The following SPART variants were observed in gnomAD, a reference collection of about 807,000 sequenced individuals.
SPART encodes spartin.
Under a neutral mutation model 58.7 loss-of-function variants are expected in SPART, and 35 were observed. That is an observed-to-expected ratio of 0.60 (90% CI 0.46 to 0.79). SPART has a LOEUF of 0.79. Ranked by LOEUF, SPART falls within the 30% of genes least tolerant of loss-of-function variation. SPART has a pLI of 0.00. For missense variants in SPART, 730 were observed against 786.1 expected (o/e 0.93, Z 0.85); for synonymous variants, 284 against 280.7 (o/e 1.01, Z -0.12).
At chr13:36,334,328 G>A (rs1484599403) in intron 2 of SPART, among the ~76,000 whole-genome samples, 2 of 151,994 alleles carry the variant, frequency 1.3e-5, no homozygotes. Context: ...AGTGCATTCT[G>A]GTAAATTTCT....
chr13:36,309,013 G>T (rs1416704182), intron 8 of SPART, among the ~76,000 whole-genome samples: 2 of 152,152 alleles, frequency 1.3e-5, no homozygotes, highest in Admixed American at 1.3e-4. Flanking sequence ...GGGAGGCCGA[G>T]GTGGGCAGAT....
intron 8 of SPART, among the ~76,000 whole-genome samples, chr13:36,309,644 CAT>C (rs759396685): frequency 2.0e-5 from 3 of 152,134 alleles, no homozygotes; most frequent in Non-Finnish European, 4.4e-5. Context: ...CAGAAAACCA[CAT>C]GTTCTCACTT....
At position 36,324,276 on chromosome 13, in the gene SPART, C is replaced by T. The variant is rs925783555; in HGVS notation, c.1288+2299G>A. On this transcript the variant is annotated intron_variant, in intron 5 of 8. Transcript: ENST00000438666. ...GAGTATGTCAGAAATGGTAATGCAG[C>T]TTCTGTCTGTTTGCTGGATGATTCA... 5.3e-5 allele frequency among the ~76,000 whole-genome samples: 8 copies of T among 152,260 alleles called. No individual in the cohort carries two copies. In the South Asian group the frequency reaches 6.2e-4, roughly 12 times the overall value.
At chr13:36,306,746 TG>T (rs1177615417) in intron 8 of SPART, among the ~76,000 whole-genome samples, 4 of 141,224 alleles carry the variant, frequency 2.8e-5, no homozygotes, top group Non-Finnish European at 6.4e-5. Context: ...CCTATTAATT[TG>T]GGAAAAAAAA....
intron 8 of SPART, among the ~76,000 whole-genome samples, chr13:36,305,393 T>C (rs937770526): frequency 2.0e-5 from 3 of 152,182 alleles, no homozygotes; most frequent in African/African-American, 7.2e-5. Flanking sequence ...CTATAGAACT[T>C]ATTAATTATC....
intron 5 of SPART, among the ~76,000 whole-genome samples, chr13:36,321,660 T>C (rs184376706): frequency 0.037 from 5,613 of 151,232 alleles, 169 homozygotes; most frequent in South Asian, 0.074. Context: ...TCTCTCCATA[T>C]CACCCCCCAA....
At chr13:36,313,132 G>C (rs1593225730) in intron 6 of SPART, among the ~76,000 whole-genome samples, 1 of 152,064 alleles carries the variant, frequency 6.6e-6, no homozygotes, top group East Asian at 1.9e-4. Context: ...TACATTGCTT[G>C]GGAAGGTTGG....
intron 5 of SPART, among the ~76,000 whole-genome samples, chr13:36,320,690 G>C (rs1256312283): frequency 1.3e-5 from 2 of 151,990 alleles, no homozygotes. Flanking sequence ...AACATGCCCC[G>C]AGTCAGATAA....
At chr13:36,328,478 C>T (rs987099021) in intron 4 of SPART, among the ~76,000 whole-genome samples, 1 of 152,138 alleles carries the variant, frequency 6.6e-6, no homozygotes, top group African/African-American at 2.4e-5. Flanking sequence ...GGAGGGGGCT[C>T]CTCACTGCTT....
At chr13:36,341,538 T>C (rs969694551) in intron 1 of SPART, among the ~76,000 whole-genome samples, 5 of 152,222 alleles carry the variant, frequency 3.3e-5, no homozygotes, top group Non-Finnish European at 7.3e-5. Flanking sequence ...TATCCACATG[T>C]ACCTAGTGGC....
intron 1 of SPART, chr13:36,369,481 A>T (rs1170382580): frequency 6.6e-6 from 1 of 152,214 alleles, no homozygotes; most frequent in Non-Finnish European, 1.5e-5. Flanking sequence ...TAACTGATTT[A>T]TCCCAGCTGC....
At chr13:36,367,965 T>G (rs1886131892) in intron 1 of SPART, among the ~76,000 whole-genome samples, 1 of 152,180 alleles carries the variant, frequency 6.6e-6, no homozygotes, top group Non-Finnish European at 1.5e-5. Flanking sequence ...AGTCACACAA[T>G]TTATTTGTGT....
chr13:36,305,253 T>G (rs965929805), intron 8 of SPART, among the ~76,000 whole-genome samples: 1 of 152,128 alleles, frequency 6.6e-6, no homozygotes, highest in African/African-American at 2.4e-5. Context: ...CTTCTTCAAG[T>G]TGGCTCAACT....
chr13:36,322,025 G>T (rs1051201457), intron 5 of SPART, among the ~76,000 whole-genome samples: 2 of 151,288 alleles, frequency 1.3e-5, no homozygotes, highest in Admixed American at 6.6e-5. Flanking sequence ...AAACCCCCTT[G>T]GACTGTAATT....
At position 36,335,366 on chromosome 13, in the gene SPART, T is replaced by A; in HGVS notation, c.465A>T (p.Ala155=). 6.2e-7 allele frequency: 1 copy of A among 1,613,876 alleles called. No individual in the cohort carries two copies. Among genetic ancestry groups the A allele is most frequent in the Non-Finnish European group, 8.5e-7 (1 of 1,179,810 alleles). Reference sequence around the variant, plus strand: ...GTGATGGTAAAGACAGAGAAGCAGGTGCAGCAACTGCCCCTGCACTTGGAG... The same window carrying A: ...GTGATGGTAAAGACAGAGAAGCAGGAGCAGCAACTGCCCCTGCACTTGGAG... The part of the protein sequence containing the change: ...TSTPSAGAVA[A]PASLSLPSQS... Residue 155 remains alanine (A), a synonymous_variant, in exon 2 of 9, where the codon GCA becomes GCT. Coordinates refer to ENST00000438666, the MANE Select transcript of SPART (RefSeq NM_015087.5).
chr13:36,335,253 T>C lies in SPART; in HGVS notation c.578A>G (p.Glu193Gly). 6.2e-7 allele frequency: 1 copy of C among 1,614,068 alleles called. No homozygotes were observed. Among genetic ancestry groups the C allele is most frequent in the Non-Finnish European group, 8.5e-7 (1 of 1,179,998 alleles). Residue 193 changes from glutamate to glycine, a missense_variant, in exon 2 of 9, where the codon GAG becomes GGG. Coordinates refer to ENST00000438666, the MANE Select transcript of SPART (RefSeq NM_015087.5). ...YTVSYGTDSG[E>G]FSSVGEEFYR... ...AAACTCCTCTCCAACTGATGAAAACTCCCCAGAATCTGTTCCATAGGATAC... is the reference window on the plus strand; with the variant it reads ...AAACTCCTCTCCAACTGATGAAAACCCCCCAGAATCTGTTCCATAGGATAC...
chr13:36,327,393 A>AACAACATT (rs1442815171), intron 4 of SPART, among the ~76,000 whole-genome samples: 1 of 152,238 alleles, frequency 6.6e-6, no homozygotes, highest in Non-Finnish European at 1.5e-5. Context: ...AAAATATAAA[A>AACAACATT]ACAACATTAA....
chr13:36,330,802 C>A (rs1427531377), intron 3 of SPART, among the ~76,000 whole-genome samples: 1 of 152,196 alleles, frequency 6.6e-6, no homozygotes, highest in Non-Finnish European at 1.5e-5. Context: ...ATCATATTTT[C>A]TTTTTATTTT....
intron 1 of SPART, among the ~76,000 whole-genome samples, chr13:36,366,130 A>C (rs1435829119): frequency 3.3e-5 from 5 of 152,130 alleles, no homozygotes; most frequent in African/African-American, 1.2e-4. Context: ...CAATCTAAAT[A>C]CGTTAGAAAG....
Sources: allele counts gnomAD v4.1 joint callset (sites outside exome capture counted in the v4.1 genomes callset), GRCh38; gene constraint gnomAD v4.1.1; transcripts MANE v1.5; gene names NCBI Gene and HGNC (gene_info 2026-07-23, HGNC 2026-07-21).